Variants in NRG2 observed in about 807,000 individuals in gnomAD.
NRG2 encodes pro-neuregulin-2, membrane-bound isoform.
In NRG2, 27 loss-of-function variants were observed where a neutral mutation model predicts 73.9. That is an observed-to-expected ratio of 0.37 (90% confidence interval 0.27 to 0.50). The LOEUF (loss-of-function observed/expected upper bound fraction) is 0.50. NRG2 is among the 20% of genes least tolerant of loss of function. The pLI is 0.96. For synonymous variants in NRG2, 532 were observed against 541.0 expected, an observed-to-expected ratio of 0.98 and a Z score of 0.23; for missense variants, 1,126 against 1,210.1, an observed-to-expected ratio of 0.93 and a Z score of 1.03.
intron 1 of NRG2, among the ~76,000 whole-genome samples, chr5:140,009,218 T>TCTGCTG: frequency 6.6e-6 from 1 of 152,338 alleles, no homozygotes; most frequent in East Asian, 1.9e-4. Context: ...TGTGGCTGCC[T>TCTGCTG]CTGCTGCTGC....
In NRG2 at chr5:139,904,313, C is replaced by A. The variant is rs1765079441; in HGVS notation, c.701-16802G>T. The stretch of plus-strand genomic sequence containing the variant: ...GCGCGCGGAGGTGCCCTACCTTTCT[C>A]CCCGGGATCGGGCTCCCTCTCCCGC... On this transcript the variant is annotated intron_variant, in intron 1 of 9. Transcript: ENST00000361474. This position sits in a 1 kb window ranked among gnomAD's most constrained non-coding sequence, Gnocchi z 6.0. The A allele has an allele frequency of 1.3e-6, 2 of 1,591,328 alleles. No homozygotes were observed. The highest frequency in any genetic ancestry group is 1.4e-5 in the African/African-American group (1 of 74,036).
chr5:139,849,505 A>G (rs1246094152), intron 9 of NRG2, among the ~76,000 whole-genome samples: 1 of 151,950 alleles, frequency 6.6e-6, no homozygotes, highest in Non-Finnish European at 1.5e-5. Context: ...TGGCCTTGCT[A>G]ATATCTCCCA....
intron 3 of NRG2, 149 bp downstream of exon 3, chr5:139,880,707 G>A (rs56354014): frequency 0.032 from 18,059 of 569,628 alleles, 1,117 homozygotes; most frequent in African/African-American, 0.18. Flanking sequence ...TCTCTGAATC[G>A]GCTGAGATCT....
chr5:139,968,881 A>G (rs1341014649), intron 1 of NRG2, among the ~76,000 whole-genome samples: 1 of 152,162 alleles, frequency 6.6e-6, no homozygotes, highest in Admixed American at 6.5e-5. Flanking sequence ...GCCCAGGAGG[A>G]GAGGGCACTC....
At chr5:140,016,200 G>A (rs1759764776) in intron 1 of NRG2, among the ~76,000 whole-genome samples, 1 of 152,164 alleles carries the variant, frequency 6.6e-6, no homozygotes. Context: ...AGGGGTGGTG[G>A]TGCAGGAGAG....
Position 139,939,239 on chromosome 5 carries a change from CCTTCCTTT to C in NRG2, c.701-51736_701-51729del, listed in dbSNP as rs879859412. ...TCCTTCCTTCCTTCCTTCCTTCCTT[CCTTCCTTT>C]CTTTCTTTCTTTCTTTTTCTTTCTT... On this transcript the variant is annotated intron_variant, in intron 1 of 9. Transcript: ENST00000361474. Among the ~76,000 whole-genome samples, 929 of 132,914 alleles carry C rather than the reference CCTTCCTTT, an allele frequency of 7.0e-3. 10 individuals are homozygous for C. Among genetic ancestry groups the C allele is most frequent in the African/African-American group, 0.021 (680 of 32,884 alleles). 87.2% of individuals were successfully genotyped at this position (132,914 alleles called of 152,430 possible).
At chr5:139,876,239 T>A (rs1180177196) in intron 3 of NRG2, among the ~76,000 whole-genome samples, 1 of 152,164 alleles carries the variant, frequency 6.6e-6, no homozygotes, top group Non-Finnish European at 1.5e-5. Flanking sequence ...AAACATTATG[T>A]TAAGTATAAG....
rs1290872223 is a variant in NRG2, at chr5:139,887,550, TA to T, written c.701-40del. ...GGCAGGTAGGTGAGCACGGTGGTGG[TA>T]GGGGCAGTGCCAAGCATGAGTAGTG... On this transcript the variant is annotated intron_variant, in intron 1 of 9. Transcript: ENST00000361474. This position sits in a 1 kb window ranked among gnomAD's most constrained non-coding sequence, Gnocchi z 4.5. The T allele has an allele frequency of 1.3e-6, 2 of 1,598,048 alleles. No individual in the cohort carries two copies. The highest frequency in any genetic ancestry group is 3.4e-5 in the Admixed American group (2 of 59,174).
chr5:139,865,463 C>T lies in NRG2; in HGVS notation c.1189+86G>A. ...CAGCCAAAGATCAAAACAACCAACA[C>T]CCCTGGCCCTATGCCCTACATTGGG... On this transcript the variant is annotated intron_variant, in intron 5 of 9. Coordinates refer to ENST00000361474, the MANE Select transcript of NRG2 (RefSeq NM_004883.3). The surrounding 1 kb of genome is among the most constrained non-coding windows in gnomAD (Gnocchi z 5.2). The T allele has an allele frequency of 1.0e-6, 1 of 976,526 alleles. No individual in the cohort carries two copies. Among genetic ancestry groups the T allele is most frequent in the Non-Finnish European group, 1.6e-6 (1 of 620,140 alleles). 60.5% of individuals were successfully genotyped at this position (976,526 alleles called of 1,614,324 possible). A position where few individuals can be genotyped will look rare whatever the true frequency, so the allele number is the denominator to read the frequency against.
chr5:139,978,302 CT>C (rs1294627388), intron 1 of NRG2, among the ~76,000 whole-genome samples: 3 of 152,208 alleles, frequency 2.0e-5, no homozygotes, highest in African/African-American at 7.2e-5. Context: ...ACAGACACTT[CT>C]CAAAAGAAGA....
chr5:139,995,990 T>C (rs1757985336), intron 1 of NRG2, among the ~76,000 whole-genome samples: 1 of 152,060 alleles, frequency 6.6e-6, no homozygotes, highest in Non-Finnish European at 1.5e-5. Flanking sequence ...CACTCCAGCC[T>C]GGGTGACAGA....
chr5:139,991,015 C>T (rs775474877), intron 1 of NRG2, among the ~76,000 whole-genome samples: 1 of 152,124 alleles, frequency 6.6e-6, no homozygotes, highest in Non-Finnish European at 1.5e-5. Context: ...GTGGCTCATG[C>T]CTGTAATCCC....
intron 1 of NRG2, among the ~76,000 whole-genome samples, chr5:139,934,581 A>G (rs1300762157): frequency 6.6e-6 from 1 of 152,252 alleles, no homozygotes; most frequent in Non-Finnish European, 1.5e-5. Flanking sequence ...AGATGAGACA[A>G]ATAGAAAACA....
At chr5:139,859,831 G>C (rs1315058928) in intron 5 of NRG2, 1 of 1,564,906 alleles carries the variant, frequency 6.4e-7, no homozygotes, top group Non-Finnish European at 8.8e-7. Context: ...ACATGGCATC[G>C]GAGGCTGTGG....
intron 1 of NRG2, among the ~76,000 whole-genome samples, chr5:139,983,013 C>A (rs1756928964): frequency 6.6e-6 from 1 of 152,200 alleles, no homozygotes; most frequent in Non-Finnish European, 1.5e-5. Flanking sequence ...GGGGATTAAC[C>A]TCTCTGACAG....
At chr5:139,992,574 GT>G (rs1757715309) in intron 1 of NRG2, among the ~76,000 whole-genome samples, 1 of 152,088 alleles carries the variant, frequency 6.6e-6, no homozygotes, top group African/African-American at 2.4e-5. Flanking sequence ...GTAGAAAGAT[GT>G]TTGCTCTAGT....
At chr5:139,873,484 G>C (rs1420062469) in intron 3 of NRG2, among the ~76,000 whole-genome samples, 2 of 152,268 alleles carry the variant, frequency 1.3e-5, no homozygotes, top group Non-Finnish European at 2.9e-5. Flanking sequence ...CAGGAGAGTG[G>C]AGAGAGAGAA....
chr5:139,973,492 G>T (rs1356345035), intron 1 of NRG2, among the ~76,000 whole-genome samples: 1 of 152,122 alleles, frequency 6.6e-6, no homozygotes, highest in African/African-American at 2.4e-5. Flanking sequence ...CTCCCAAGTA[G>T]CCGGGACTAC....
chr5:139,947,283 T>C (rs1235927404), intron 1 of NRG2, among the ~76,000 whole-genome samples: 1 of 152,226 alleles, frequency 6.6e-6, no homozygotes, highest in Non-Finnish European at 1.5e-5. Context: ...GCCTTCTGTA[T>C]CTAAAGATCT....
Sources: gnomAD v4.1 joint callset for allele counts (sites outside exome capture counted in the v4.1 genomes callset) on GRCh38, gnomAD v4.1.1 for gene constraint, Gnocchi (gnomAD v3.1) non-coding constraint, MANE v1.5 for transcripts, NCBI Gene and HGNC (gene_info 2026-07-23, HGNC 2026-07-21) for gene names.